TRPM3: variants seen among roughly 807,000 people sequenced by gnomAD.
TRPM3 encodes the protein transient receptor potential cation channel subfamily M member 3.
Under a neutral mutation model 181.2 loss-of-function variants are expected in TRPM3, and 77 were observed. The ratio of observed to expected loss-of-function variants is 0.42; its 90% confidence interval spans 0.35 to 0.51. The LOEUF (loss-of-function observed/expected upper bound fraction) is 0.51, where lower values mean the gene tolerates loss of function less well. TRPM3 is among the 20% of genes least tolerant of loss of function. The pLI, the probability that TRPM3 is intolerant of heterozygous loss-of-function variation, is 0.01. For synonymous variants in TRPM3, 745 were observed against 796.4 expected (o/e 0.94, Z 1.09); for missense variants, 1,759 against 2,196.7 (o/e 0.80, Z 3.98).
intron 1 of TRPM3, among the ~76,000 whole-genome samples, chr9:71,102,341 C>G (rs2068557652): frequency 6.6e-6 from 1 of 152,172 alleles, no homozygotes; most frequent in Admixed American, 6.6e-5. Flanking sequence ...CTTTGTCACA[C>G]AGCTGATTTC....
intron 1 of TRPM3, among the ~76,000 whole-genome samples, chr9:71,219,015 C>T (rs1419859881): frequency 2.0e-5 from 3 of 152,188 alleles, no homozygotes; most frequent in Non-Finnish European, 4.4e-5. Context: ...AGGAAACTTA[C>T]ACAATGAATG....
At chr9:70,699,754 T>C (rs1276531799) in intron 8 of TRPM3, among the ~76,000 whole-genome samples, 1 of 151,938 alleles carries the variant, frequency 6.6e-6, no homozygotes, top group Non-Finnish European at 1.5e-5. Flanking sequence ...GGATTGGAGG[T>C]GGGGCCCAGC....
chr9:70,621,710 A>G (rs779565612), intron 14 of TRPM3, among the ~76,000 whole-genome samples: 2 of 152,312 alleles, frequency 1.3e-5, no homozygotes, highest in African/African-American at 2.4e-5. Context: ...GAAGAACACT[A>G]TTGTACCATA....
At position 71,381,043 on chromosome 9, in the gene TRPM3, G is replaced by A. The variant is rs1009967378; in HGVS notation, c.183+65610C>T. On this transcript the variant is annotated intron_variant, in intron 1 of 24. Coordinates refer to the TRPM3 transcript ENST00000357533. ...GATAAGCAAGTGTGAGATTGGTGTT[G>A]AGATTGAAATAAGACTCAAGCATGA... is the stretch of plus-strand genomic sequence containing the variant. 5.3e-5 allele frequency among the ~76,000 whole-genome samples: 8 copies of A among 152,050 alleles called. No homozygotes were observed. In the South Asian group the frequency reaches 1.5e-3, roughly 28 times the overall value.
At chr9:70,849,443 C>G (rs1474147940) in intron 3 of TRPM3, among the ~76,000 whole-genome samples, 1 of 152,034 alleles carries the variant, frequency 6.6e-6, no homozygotes, top group Non-Finnish European at 1.5e-5. Context: ...CCACACCTGG[C>G]CTGAAGGAAG....
chr9:71,280,909 C>T (rs2084656441), intron 1 of TRPM3, among the ~76,000 whole-genome samples: 1 of 152,196 alleles, frequency 6.6e-6, no homozygotes, highest in Non-Finnish European at 1.5e-5. Flanking sequence ...TCTATTTCAG[C>T]ATCCTATTTG....
chr9:70,908,503 T>C (rs910379275), intron 1 of TRPM3, among the ~76,000 whole-genome samples: 1 of 152,170 alleles, frequency 6.6e-6, no homozygotes, highest in Non-Finnish European at 1.5e-5. Context: ...AGGGAGCCCA[T>C]ATAGCTAAGG....
intron 1 of TRPM3, among the ~76,000 whole-genome samples, chr9:71,325,936 G>A (rs1487025124): frequency 1.3e-5 from 2 of 151,982 alleles, no homozygotes; most frequent in African/African-American, 2.4e-5. Context: ...GGGAAGCTTG[G>A]GCAGAATCTA....
intron 17 of TRPM3, 30 bp downstream of exon 17, chr9:70,618,837 A>G: frequency 1.3e-6 from 2 of 1,589,496 alleles, no homozygotes; most frequent in Non-Finnish European, 1.7e-6. Flanking sequence ...CGGTCCTCAT[A>G]GCCAGGAGGG....
In TRPM3 at chr9:71,142,980, TAAAA is replaced by T. The variant is rs34661280; in HGVS notation, c.184-278473_184-278470del. 2.7e-3 allele frequency among the ~76,000 whole-genome samples: 399 copies of T among 147,054 alleles called. 3 individuals are homozygous for T. Among genetic ancestry groups the T allele is most frequent in the African/African-American group, 9.0e-3 (355 of 39,502 alleles). The stretch of plus-strand genomic sequence containing the variant: ...TATAAAATTATTAAAAAGAAAATGT[TAAAA>T]AAAAAAAAAGAAAGAAAAAAACAGG... On this transcript the variant is annotated intron_variant, in intron 1 of 24. Coordinates refer to the TRPM3 transcript ENST00000357533.
At chr9:71,193,150 T>A (rs1366528590) in intron 1 of TRPM3, among the ~76,000 whole-genome samples, 2 of 151,846 alleles carry the variant, frequency 1.3e-5, no homozygotes, top group Non-Finnish European at 2.9e-5. Flanking sequence ...ATCTACTCAA[T>A]TTTCAAAAGT....
chr9:70,949,587 G>A (rs1286609159), intron 1 of TRPM3, among the ~76,000 whole-genome samples: 3 of 151,502 alleles, frequency 2.0e-5, no homozygotes, highest in African/African-American at 4.9e-5. Flanking sequence ...TGTCGACCAG[G>A]CTGGTACAAT....
intron 1 of TRPM3, among the ~76,000 whole-genome samples, chr9:70,995,635 G>A (rs868746662): frequency 3.3e-5 from 5 of 152,188 alleles, no homozygotes; most frequent in Non-Finnish European, 4.4e-5. Flanking sequence ...TGCTTGCCTC[G>A]TCATTCGTCA....
chr9:70,585,959 CAG>C (rs2057051279), intron 22 of TRPM3, among the ~76,000 whole-genome samples: 1 of 152,208 alleles, frequency 6.6e-6, no homozygotes, highest in Non-Finnish European at 1.5e-5. Flanking sequence ...ACTCTACCAT[CAG>C]CCATACTAAA....
At chr9:71,422,951 C>T (rs1342210205) in intron 1 of TRPM3, among the ~76,000 whole-genome samples, 1 of 152,026 alleles carries the variant, frequency 6.6e-6, no homozygotes, top group Non-Finnish European at 1.5e-5. Context: ...ACACTCATAT[C>T]ACCACATCAA....
At chr9:70,886,187 A>C (rs1258922705) in intron 1 of TRPM3, among the ~76,000 whole-genome samples, 1 of 152,116 alleles carries the variant, frequency 6.6e-6, no homozygotes, top group Admixed American at 6.5e-5. Flanking sequence ...AGGCCAAATT[A>C]AAAAAAGCCA....
At chr9:70,877,604 TG>T (rs758892703) in intron 1 of TRPM3, among the ~76,000 whole-genome samples, 1 of 151,944 alleles carries the variant, frequency 6.6e-6, no homozygotes, top group African/African-American at 2.4e-5. Flanking sequence ...TTATTTTGGA[TG>T]TAAGGTAATT....
intron 9 of TRPM3, among the ~76,000 whole-genome samples, chr9:70,663,939 C>A (rs182457790): frequency 1.4e-4 from 21 of 152,226 alleles, no homozygotes; most frequent in African/African-American, 5.1e-4. Flanking sequence ...AATTACTTAA[C>A]CTCTCCAAGA....
At chr9:70,691,534 T>C (rs2068558023) in intron 8 of TRPM3, among the ~76,000 whole-genome samples, 1 of 152,158 alleles carries the variant, frequency 6.6e-6, no homozygotes, top group Non-Finnish European at 1.5e-5. Context: ...ATGAACAACT[T>C]GGCAATTAGT....
Sources: allele counts gnomAD v4.1 joint callset (sites outside exome capture counted in the v4.1 genomes callset), GRCh38; gene constraint gnomAD v4.1.1; transcripts MANE v1.5; gene names NCBI Gene and HGNC (gene_info 2026-07-23, HGNC 2026-07-21).